Variants in FAM184B observed in about 807,000 individuals in gnomAD.
FAM184B encodes the protein protein FAM184B.
A neutral mutation model predicts 135.9 loss-of-function variants in FAM184B; 111 were observed. The ratio of observed to expected loss-of-function variants is 0.82; its 90% confidence interval spans 0.70 to 0.96. The LOEUF (loss-of-function observed/expected upper bound fraction) is 0.96. FAM184B is among the 40% of genes least tolerant of loss of function. FAM184B has a pLI of 0.00. For synonymous variants in FAM184B, 552 were observed against 524.8 expected, an observed-to-expected ratio of 1.05 and a Z score of -0.71; for missense variants, 1,375 against 1,323.9, an observed-to-expected ratio of 1.04 and a Z score of -0.60.
Position 17,705,044 on chromosome 4 carries a change from A to C in FAM184B, c.1333T>G (p.Ser445Ala). The C allele has an allele frequency of 6.4e-7, 1 of 1,551,702 alleles. No homozygotes were observed. The highest frequency in any genetic ancestry group is 8.7e-7 in the Non-Finnish European group (1 of 1,146,990). Reference sequence around the variant, plus strand: ...TCAGCCTCCACGGACGAGCGAACGGATTTGATTTCCACGGTGTGCTTCTTT... The same window carrying C: ...TCAGCCTCCACGGACGAGCGAACGGCTTTGATTTCCACGGTGTGCTTCTTT... ...LVKKHTVEIK[S>A]VRSSVEAERK... Residue 445 changes from serine to alanine, a missense_variant, in exon 5 of 18, where the codon TCC (serine) becomes GCC (alanine). Ser to Ala is a moderately conservative substitution (Grantham distance 99). Transcript: ENST00000265018.
In FAM184B at chr4:17,771,737, G is replaced by A. The variant is rs143454194; in HGVS notation, c.141+9422C>T. On this transcript the variant is annotated intron_variant, in intron 1 of 17. Coordinates refer to ENST00000265018, the MANE Select transcript of FAM184B (RefSeq NM_015688.2). ...TCCTCCTGCCCTACAGCACTGCCCT[G>A]GCCTCTCAGCCCAGGGAAGAGCTGG... Among the ~76,000 whole-genome samples, 546 of 152,272 alleles carry A rather than the reference G, an allele frequency of 3.6e-3. 3 individuals carry two copies. Among genetic ancestry groups the A allele is most frequent in the African/African-American group, 0.011 (477 of 41,558 alleles).
Position 17,709,099 on chromosome 4 carries a change from GT to G in FAM184B, c.686del (p.Asn229ThrfsTer12). On this transcript the variant is annotated frameshift_variant, in exon 2 of 18. Transcript: ENST00000265018. LOFTEE classifies it high-confidence loss of function. ...GCTGCATGGCCTGCCGGATGGCCTCGTTTTCCCTCTCGTAGGTGGCCTGCAG... is the reference window on the plus strand; with the variant it reads ...GCTGCATGGCCTGCCGGATGGCCTCGTTTCCCTCTCGTAGGTGGCCTGCAG... ...EELQATYERE[N>X]EAIRQAMQQS... 6.5e-7 allele frequency: 1 copy of G among 1,549,522 alleles called. No homozygotes were observed.
chr4:17,687,938 G>A (rs1716625690), intron 7 of FAM184B, among the ~76,000 whole-genome samples: 1 of 152,132 alleles, frequency 6.6e-6, no homozygotes, highest in African/African-American at 2.4e-5. Flanking sequence ...CCAACCCACC[G>A]TGAGCCAGAC....
chr4:17,780,801 C>A (rs181567247), intron 1 of FAM184B, among the ~76,000 whole-genome samples: 1,632 of 152,244 alleles, frequency 0.011, 16 homozygotes, highest in South Asian at 0.027. Context: ...ATGACCTCCC[C>A]AGCTGTAAAG....
At chr4:17,714,591 GT>G (rs1393094105) in intron 1 of FAM184B, among the ~76,000 whole-genome samples, 4 of 152,110 alleles carry the variant, frequency 2.6e-5, no homozygotes, top group Non-Finnish European at 5.9e-5. Flanking sequence ...CCTGTTTGGG[GT>G]CCCTGAGACT....
intron 5 of FAM184B, among the ~76,000 whole-genome samples, chr4:17,702,534 A>G (rs746260856): frequency 6.6e-6 from 1 of 152,054 alleles, no homozygotes; most frequent in Non-Finnish European, 1.5e-5. Context: ...GAAATAGTGC[A>G]CTCCTAACTC....
intron 1 of FAM184B, among the ~76,000 whole-genome samples, chr4:17,744,094 C>T (rs1718102937): frequency 6.6e-6 from 1 of 152,186 alleles, no homozygotes; most frequent in Admixed American, 6.5e-5. Flanking sequence ...TCACATTTCA[C>T]ATCTTTCTGA....
At chr4:17,753,225 A>C (rs1718341046) in intron 1 of FAM184B, among the ~76,000 whole-genome samples, 1 of 152,208 alleles carries the variant, frequency 6.6e-6, no homozygotes, top group South Asian at 2.1e-4. Flanking sequence ...GTTTATTTAC[A>C]TATTTGTCCT....
chr4:17,632,715 G>T, intron 17 of FAM184B, 90 bp from the exon 18 acceptor site: 1 of 859,330 alleles, frequency 1.2e-6, no homozygotes, highest in Non-Finnish European at 1.8e-6. Flanking sequence ...AAAGATAACT[G>T]CTTGTTTACT....
chr4:17,706,449 G>A (rs572118064), intron 3 of FAM184B, among the ~76,000 whole-genome samples: 3 of 152,268 alleles, frequency 2.0e-5, no homozygotes, highest in Non-Finnish European at 2.9e-5. Context: ...GCTGTGGGCC[G>A]TAAGGTACAG....
At chr4:17,653,026 G>A (rs761567472) in intron 10 of FAM184B, 43 bp from the exon 11 acceptor site, 12 of 1,540,718 alleles carry the variant, frequency 7.8e-6, no homozygotes, top group East Asian at 4.9e-5. Context: ...AAGTGGGCAT[G>A]AGGGTGGGAG....
chr4:17,669,212 C>T (rs1370547989), intron 7 of FAM184B, among the ~76,000 whole-genome samples: 2 of 152,126 alleles, frequency 1.3e-5, no homozygotes, highest in East Asian at 3.8e-4. Flanking sequence ...AGATTATAAC[C>T]TACATGTGAA....
intron 1 of FAM184B, among the ~76,000 whole-genome samples, chr4:17,739,282 AG>A (rs1417846261): frequency 2.6e-5 from 4 of 152,064 alleles, no homozygotes; most frequent in Non-Finnish European, 5.9e-5. Flanking sequence ...ATCCCCTTCC[AG>A]GCAGAGGAAT....
intron 12 of FAM184B, 40 bp downstream of exon 12, chr4:17,647,587 TGATGCTGCTC>T: frequency 6.6e-7 from 1 of 1,521,908 alleles, no homozygotes; most frequent in Non-Finnish European, 8.9e-7. Context: ...ACTGCGGCCC[TGATGCTGCTC>T]TGGGAGGGGT....
chr4:17,677,055 CT>C (rs529361620), intron 7 of FAM184B, among the ~76,000 whole-genome samples: 4 of 151,366 alleles, frequency 2.6e-5, no homozygotes, highest in Non-Finnish European at 4.4e-5. Context: ...TGAATGAGTA[CT>C]TTTTTTTTAG....
At position 17,642,137 on chromosome 4, in the gene FAM184B, T is replaced by C; in HGVS notation, c.2438A>G (p.Gln813Arg). Residue 813 changes from glutamine to arginine, a missense_variant, in exon 13 of 18, where the codon CAG (glutamine) becomes CGG (arginine). Transcript: ENST00000265018. ...CAGCCGCCGCACCGCGTCCTGGAGC[T>C]GCGCGTTCTCCTCCCAGAGCCCGCA... ...EGCGLWEENA[Q>R]LQDAVRRLRA... is the part of the protein sequence containing the mutation. 2 of 1,533,652 alleles carry C rather than the reference T, an allele frequency of 1.3e-6. No homozygotes were observed. The highest frequency in any genetic ancestry group is 1.7e-6 in the Non-Finnish European group (2 of 1,145,576).
At chr4:17,765,809 G>A (rs1193855598) in intron 1 of FAM184B, among the ~76,000 whole-genome samples, 1 of 152,180 alleles carries the variant, frequency 6.6e-6, no homozygotes, top group Non-Finnish European at 1.5e-5. Flanking sequence ...TGTGTCCAGA[G>A]TTTGTTCCTT....
chr4:17,704,629 G>A (rs527275726), intron 5 of FAM184B, among the ~76,000 whole-genome samples: 6 of 152,290 alleles, frequency 3.9e-5, no homozygotes, highest in African/African-American at 1.4e-4. Context: ...TTGGATCCAG[G>A]AACTCCTCCA....
Position 17,634,402 on chromosome 4 carries a change from C to T in FAM184B, c.2890-514G>A, listed in dbSNP as rs1003923070. 2.6e-5 allele frequency among the ~76,000 whole-genome samples: 4 copies of T among 152,198 alleles called. No individual in the cohort carries two copies. The South Asian group carries it at 8.3e-4, about 31-fold the overall frequency. On this transcript the variant is annotated intron_variant, in intron 16 of 17. Coordinates refer to ENST00000265018, the MANE Select transcript of FAM184B (RefSeq NM_015688.2). ...ACGGTGGTGCGATCTCAGCTCACTG[C>T]AACCTCCGCCTCCTGGGTTCAAGTG...
Sources: allele counts gnomAD v4.1 joint callset (sites outside exome capture counted in the v4.1 genomes callset), GRCh38; gene constraint gnomAD v4.1.1; transcripts MANE v1.5; gene names NCBI Gene and HGNC (gene_info 2026-07-23, HGNC 2026-07-21).